Variants in GPR26 observed in about 807,000 individuals in gnomAD.
GPR26 encodes the protein G protein-coupled receptor 26.
GPR26 carries 15 observed loss-of-function variants against 23.1 expected under a neutral mutation model. The observed-to-expected ratio is 0.65, with a 90% CI of 0.43 to 1.00. The LOEUF (loss-of-function observed/expected upper bound fraction) is 1.00. Among genes scored for constraint, GPR26 ranks in the 50% least tolerant of loss-of-function variants. The probability of loss-of-function intolerance (pLI) is 0.00; values close to 1 mark genes in which losing one functional copy is unlikely to be tolerated. For synonymous variants in GPR26, 228 were observed against 222.1 expected (o/e 1.03, Z -0.24); for missense variants, 359 against 470.5 (o/e 0.76, Z 2.19).
chr10:123,666,752 G>C lies in GPR26; in HGVS notation c.345G>C (p.Arg115=), dbSNP rs1407177704. Residue 115 remains arginine (R), a synonymous_variant, in exon 1 of 3, where the codon CGG becomes CGC. Coordinates refer to ENST00000284674, the MANE Select transcript of GPR26 (RefSeq NM_153442.4). The part of the protein sequence containing the change: ...WVAVVFPLSY[R]AKMRLRDAAL... ...CCGTGGTCTTCCCGCTGAGCTACCG[G>C]GCCAAGATGCGCCTCCGCGACGCGG... The C allele has an allele frequency of 2.5e-6, 4 of 1,600,384 alleles. No individual in the cohort carries two copies. The highest frequency in any genetic ancestry group is 2.5e-6 in the Non-Finnish European group (3 of 1,177,308).
At chr10:123,680,020 C>G (rs1845352353) in intron 2 of GPR26, among the ~76,000 whole-genome samples, 1 of 152,220 alleles carries the variant, frequency 6.6e-6, no homozygotes, top group Admixed American at 6.5e-5. Flanking sequence ...AAGTCACTTC[C>G]TTGGCTGCAC....
In GPR26 at chr10:123,666,393, C is replaced by T; in HGVS notation, c.-15C>T. On this transcript the variant is annotated 5_prime_UTR_variant, in exon 1 of 3. Coordinates refer to ENST00000284674, the MANE Select transcript of GPR26 (RefSeq NM_153442.4). ...CCGGGTTGCGGACCCTGAGCGCCGG[C>T]GCGGGGCGCGCACCATGAACTCGTG... 1.5e-6 allele frequency: 2 copies of T among 1,372,122 alleles called. No homozygotes were observed. The highest frequency in any genetic ancestry group is 3.0e-5 in the East Asian group (1 of 32,826). The allele number at this position is 1,372,122 out of a possible 1,614,324, so 85.0% of individuals were successfully genotyped here.
Position 123,693,622 on chromosome 10 carries a change from AAGTT to A in GPR26, c.*5466_*5469del, listed in dbSNP as rs1332219629. 1 of 152,292 alleles carries A rather than the reference AAGTT, an allele frequency of 6.6e-6. No homozygotes were observed. Among genetic ancestry groups the A allele is most frequent in the East Asian group, 1.9e-4 (1 of 5,192 alleles). 9.4% of individuals were successfully genotyped at this position (152,292 alleles called of 1,614,324 possible). ...GACCAATGGCCTATTAGCCCCCAAA[AAGTT>A]AGTCCAACCCCAGGCCAGCTGCCTT... On this transcript the variant is annotated 3_prime_UTR_variant, in exon 3 of 3. Transcript: ENST00000284674.
chr10:123,688,629 G>GATACAAC lies in GPR26; in HGVS notation c.*469_*470insATACAAC. The GATACAAC allele has an allele frequency of 5.8e-6, 1 of 172,506 alleles. No homozygotes were observed. Among genetic ancestry groups the GATACAAC allele is most frequent in the Non-Finnish European group, 1.2e-5 (1 of 80,224 alleles). 10.7% of individuals were successfully genotyped at this position (172,506 alleles called of 1,614,324 possible). ...TGGTCATTTGGCCCGGATCTAACAT[G>GATACAAC]GCACCTCGTCTCCACAGGGTAGTGG... On this transcript the variant is annotated 3_prime_UTR_variant, in exon 3 of 3. Coordinates refer to ENST00000284674, the MANE Select transcript of GPR26 (RefSeq NM_153442.4).
chr10:123,688,269 C>A lies in GPR26; in HGVS notation c.*109C>A, dbSNP rs1845452755. 3 of 712,998 alleles carry A rather than the reference C, an allele frequency of 4.2e-6. No individual in the cohort carries two copies. Among genetic ancestry groups the A allele is most frequent in the East Asian group, 2.7e-5 (1 of 37,236 alleles). The allele number at this position is 712,998 out of a possible 1,614,324, so 44.2% of individuals were successfully genotyped here. A position where few individuals can be genotyped will look rare whatever the true frequency, so the allele number is the denominator to read the frequency against. On this transcript the variant is annotated 3_prime_UTR_variant, in exon 3 of 3. Coordinates refer to ENST00000284674, the MANE Select transcript of GPR26 (RefSeq NM_153442.4). ...CCACCAGCCACCAGTCCCTGGCATG[C>A]CCAGTGATCCTGGTTCCCTGGCTTG...
chr10:123,672,274 A>G lies in GPR26; in HGVS notation c.669-2544A>G, dbSNP rs1473200537. On this transcript the variant is annotated intron_variant, in intron 1 of 2. Transcript: ENST00000284674. ...TCTCTTTTGAGCCTCAGTTTCCCCC[A>G]TCTGTGATCTGGGGTGCGTGGATGA... Among the ~76,000 whole-genome samples, 6 of 152,046 alleles carry G rather than the reference A, an allele frequency of 3.9e-5. No individual in the cohort carries two copies. In the East Asian group the frequency reaches 1.2e-3, roughly 29 times the overall value.
rs1322159914 is a variant in GPR26, at chr10:123,688,222, C to T, written c.*62C>T. 7 of 456,000 alleles carry T rather than the reference C, an allele frequency of 1.5e-5. No homozygotes were observed. The highest frequency in any genetic ancestry group is 1.3e-4 in the East Asian group (2 of 15,316). The allele number at this position is 456,000 out of a possible 1,614,324, so 28.2% of individuals were successfully genotyped here. Reference sequence around the variant, plus strand: ...AGCGGTGAGAAGAAGGGTGGGAGGGCGTGGGGGCCCCTGGGTGGACACCAC... The same window carrying T: ...AGCGGTGAGAAGAAGGGTGGGAGGGTGTGGGGGCCCCTGGGTGGACACCAC... On this transcript the variant is annotated 3_prime_UTR_variant, in exon 3 of 3. Coordinates refer to ENST00000284674, the MANE Select transcript of GPR26 (RefSeq NM_153442.4).
In GPR26 at chr10:123,685,542, T is replaced by A. The variant is rs529928532; in HGVS notation, c.783-2387T>A. ...GCCACGTGGCAGCAGTGTCCAGGCC[T>A]GTATTCAGCCAAAGCATCTCTTTGC... On this transcript the variant is annotated intron_variant, in intron 2 of 2. Transcript: ENST00000284674. 3.3e-5 allele frequency among the ~76,000 whole-genome samples: 5 copies of A among 152,316 alleles called. No individual in the cohort carries two copies. The South Asian group carries it at 6.2e-4, about 19-fold the overall frequency.
chr10:123,696,065 C>G lies in GPR26; in HGVS notation c.*7905C>G, dbSNP rs1355358273. Among the ~76,000 whole-genome samples, 1 of 152,208 alleles carries G rather than the reference C, an allele frequency of 6.6e-6. No individual in the cohort carries two copies. The highest frequency in any genetic ancestry group is 1.5e-5 in the Non-Finnish European group (1 of 68,044). On this transcript the variant is annotated 3_prime_UTR_variant, in exon 3 of 3. Coordinates refer to ENST00000284674, the MANE Select transcript of GPR26 (RefSeq NM_153442.4). ...TCACAGGCTCATCTGGGAGAAGGAT[C>G]AAATCCTGCCATCTGGATGTGCATT... is the stretch of plus-strand genomic sequence containing the variant.
chr10:123,676,262 T>C (rs534784327), intron 2 of GPR26, among the ~76,000 whole-genome samples: 1 of 152,304 alleles, frequency 6.6e-6, no homozygotes, highest in African/African-American at 2.4e-5. Flanking sequence ...CTAGTTAGCG[T>C]GTGTCTCATT....
intron 2 of GPR26, among the ~76,000 whole-genome samples, chr10:123,684,520 C>T (rs1430824943): frequency 2.0e-5 from 3 of 152,310 alleles, no homozygotes; most frequent in Admixed American, 6.5e-5. Flanking sequence ...TCTCACAGTT[C>T]CCAAGGCCAG....
chr10:123,682,997 T>C (rs989703205), intron 2 of GPR26, among the ~76,000 whole-genome samples: 8 of 151,972 alleles, frequency 5.3e-5, no homozygotes, highest in Non-Finnish European at 7.4e-5. Flanking sequence ...TGTGTATGTA[T>C]ACATGTGTAT....
chr10:123,684,625 T>G (rs1187690043), intron 2 of GPR26, among the ~76,000 whole-genome samples: 1 of 152,224 alleles, frequency 6.6e-6, no homozygotes, highest in African/African-American at 2.4e-5. Context: ...CTGGCCATTT[T>G]TGGATTCCTT....
At chr10:123,685,324 C>T (rs1007938753) in intron 2 of GPR26, among the ~76,000 whole-genome samples, 8 of 152,352 alleles carry the variant, frequency 5.3e-5, no homozygotes, top group South Asian at 4.1e-4. Flanking sequence ...AGAAAGAAGT[C>T]GTTGTGGCAA....
At chr10:123,679,339 G>A (rs1035349987) in intron 2 of GPR26, among the ~76,000 whole-genome samples, 2 of 152,220 alleles carry the variant, frequency 1.3e-5, no homozygotes, top group Non-Finnish European at 1.5e-5. Context: ...GCTGGGATTA[G>A]CGGGAAAGTG....
rs1845193286 is a variant in GPR26 at position 123,666,966 on chromosome 10, G to C, written c.559G>C (p.Val187Leu). The change falls in exon 1 of 3, where the codon GTG (valine) becomes CTG (leucine). Residue 187 changes from valine to leucine, a missense_variant. Transcript: ENST00000284674. ...HALSFLLSFV[V>L]LCCTYLKVLK... ...TCTCAGCTTCCTGCTCTCCTTCGTC[G>C]TGCTCTGCTGCACGTACCTCAAGGT... The C allele has an allele frequency of 6.2e-7, 1 of 1,613,636 alleles. No homozygotes were observed. Among genetic ancestry groups the C allele is most frequent in the African/African-American group, 1.3e-5 (1 of 74,946 alleles).
intron 2 of GPR26, among the ~76,000 whole-genome samples, chr10:123,686,363 G>A (rs1427328400): frequency 6.6e-6 from 1 of 152,162 alleles, no homozygotes; most frequent in Admixed American, 6.5e-5. Flanking sequence ...TTTCTTTAAA[G>A]TATAGATTTC....
At chr10:123,682,137 A>G (rs578145076) in intron 2 of GPR26, among the ~76,000 whole-genome samples, 2 of 152,220 alleles carry the variant, frequency 1.3e-5, no homozygotes, top group Non-Finnish European at 2.9e-5. Flanking sequence ...CATAAGTACC[A>G]TGACATGAAC....
chr10:123,685,449 C>T (rs1056715493), intron 2 of GPR26, among the ~76,000 whole-genome samples: 1 of 152,298 alleles, frequency 6.6e-6, no homozygotes, highest in African/African-American at 2.4e-5. Flanking sequence ...TGCATGGGGC[C>T]GCGAGAAAGC....
Sources: gnomAD v4.1 joint callset for allele counts (sites outside exome capture counted in the v4.1 genomes callset) on GRCh38, gnomAD v4.1.1 for gene constraint, MANE v1.5 for transcripts, NCBI Gene and HGNC (gene_info 2026-07-23, HGNC 2026-07-21) for gene names.